LRMDA: variants seen among roughly 807,000 people sequenced by gnomAD.
The protein encoded by LRMDA is leucine-rich melanocyte differentiation-associated protein.
LRMDA carries 18 observed loss-of-function variants against 29.8 expected under a neutral mutation model. The ratio of observed to expected loss-of-function variants is 0.60; its 90% CI spans 0.42 to 0.90. The LOEUF (loss-of-function observed/expected upper bound fraction) is 0.90, where lower values mean the gene tolerates loss of function less well. Ranked by LOEUF, LRMDA falls within the 40% of genes least tolerant of loss-of-function variation. LRMDA has a pLI of 0.00. For missense variants in LRMDA, 273 were observed against 273.9 expected, an observed-to-expected ratio of 1.00 and a Z score of 0.02; for synonymous variants, 125 against 109.4, an observed-to-expected ratio of 1.14 and a Z score of -0.89.
intron 5 of LRMDA, among the ~76,000 whole-genome samples, chr10:76,136,689 A>T (rs181003419): frequency 4.6e-5 from 7 of 152,292 alleles, no homozygotes; most frequent in Non-Finnish European, 1.0e-4. Context: ...TTAGAGATTA[A>T]GATGTTTATT....
intron 2 of LRMDA, among the ~76,000 whole-genome samples, chr10:75,504,491 G>A (rs1364504791): frequency 1.3e-5 from 2 of 152,170 alleles, no homozygotes; most frequent in East Asian, 3.8e-4. Flanking sequence ...GGAAAAATAA[G>A]TCATATCAAA....
intron 5 of LRMDA, among the ~76,000 whole-genome samples, chr10:76,283,362 G>A (rs1196737144): frequency 1.3e-5 from 2 of 152,100 alleles, no homozygotes; most frequent in Admixed American, 1.3e-4. Flanking sequence ...TGTTGTTGGA[G>A]GTCAGAAGGA....
intron 6 of LRMDA, among the ~76,000 whole-genome samples, chr10:76,443,000 G>A (rs551609791): frequency 6.6e-6 from 1 of 152,172 alleles, no homozygotes; most frequent in South Asian, 2.1e-4. Context: ...ACATAATAGT[G>A]GACTAATCTT....
At chr10:76,555,248 C>T (rs375317632) in intron 6 of LRMDA, among the ~76,000 whole-genome samples, 1 of 151,988 alleles carries the variant, frequency 6.6e-6, no homozygotes, top group Non-Finnish European at 1.5e-5. Context: ...TAATTCAGCA[C>T]GATAAAGGAA....
intron 2 of LRMDA, among the ~76,000 whole-genome samples, chr10:75,850,204 T>C (rs1844708790): frequency 1.3e-5 from 2 of 152,262 alleles, no homozygotes; most frequent in South Asian, 4.1e-4. Flanking sequence ...CAGTATAAGC[T>C]GAAAAGCGGT....
intron 6 of LRMDA, among the ~76,000 whole-genome samples, chr10:76,371,347 A>G (rs1014482331): frequency 1.3e-5 from 2 of 152,192 alleles, no homozygotes; most frequent in Non-Finnish European, 2.9e-5. Context: ...CAGATACTTT[A>G]TAGAAAGCCA....
At chr10:75,661,970 G>A (rs930124) in intron 2 of LRMDA, among the ~76,000 whole-genome samples, 15,999 of 152,122 alleles carry the variant, frequency 0.11, 1,921 homozygotes, top group East Asian at 0.33. Flanking sequence ...AAGTAATTTT[G>A]TTTCCCCCTA....
intron 5 of LRMDA, among the ~76,000 whole-genome samples, chr10:76,285,677 G>A (rs919583956): frequency 2.0e-5 from 3 of 152,084 alleles, no homozygotes; most frequent in Non-Finnish European, 4.4e-5. Flanking sequence ...AGATGTTAAA[G>A]TTGCCAATGA....
intron 2 of LRMDA, among the ~76,000 whole-genome samples, chr10:75,649,553 C>A (rs1391718062): frequency 6.6e-6 from 1 of 152,096 alleles, no homozygotes; most frequent in East Asian, 1.9e-4. Context: ...ATCTGTTCAC[C>A]CATCAGTGGA....
chr10:75,955,660 A>G (rs1309738495), intron 2 of LRMDA, among the ~76,000 whole-genome samples: 1 of 152,196 alleles, frequency 6.6e-6, no homozygotes, highest in Non-Finnish European at 1.5e-5. Flanking sequence ...AGTGCCTCAA[A>G]TTTTGTTTCT....
intron 2 of LRMDA, among the ~76,000 whole-genome samples, chr10:75,752,664 G>A (rs1842982732): frequency 1.3e-5 from 2 of 152,206 alleles, no homozygotes; most frequent in Non-Finnish European, 1.5e-5. Flanking sequence ...GAGATGTTAA[G>A]CAACTGAGCT....
At chr10:75,506,446 A>G (rs1476752122) in intron 2 of LRMDA, among the ~76,000 whole-genome samples, 1 of 150,010 alleles carries the variant, frequency 6.7e-6, no homozygotes, top group African/African-American at 2.5e-5. Context: ...TTCTTAAAAA[A>G]TCAATCATTC....
chr10:75,562,312 T>C lies in LRMDA; in HGVS notation c.131+123818T>C, dbSNP rs1174522295. Among the ~76,000 whole-genome samples the C allele has an allele frequency of 8.5e-5, 13 of 152,262 alleles. No homozygotes were observed. The East Asian group carries it at 9.6e-4, about 11-fold the overall frequency. On this transcript the variant is annotated intron_variant, in intron 2 of 6. Transcript: ENST00000611255. ...GGCCTTCTTTGTCTCTTTTGATCTT[T>C]GTTGGTTTAAAATCTGTTTTATCAG...
chr10:76,126,979 T>A (rs12098745), intron 5 of LRMDA, among the ~76,000 whole-genome samples: 24,960 of 152,192 alleles, frequency 0.16, 2,282 homozygotes, highest in Admixed American at 0.24. Context: ...AAATTGAGCC[T>A]GGGGAGCAGA....
intron 6 of LRMDA, among the ~76,000 whole-genome samples, chr10:76,433,424 A>G (rs1842211989): frequency 6.6e-6 from 1 of 152,176 alleles, no homozygotes; most frequent in Admixed American, 6.5e-5. Flanking sequence ...AGGCAAGGAA[A>G]CAGCTAATAA....
At chr10:75,763,189 T>C (rs568823805) in intron 2 of LRMDA, among the ~76,000 whole-genome samples, 1 of 152,352 alleles carries the variant, frequency 6.6e-6, no homozygotes, top group African/African-American at 2.4e-5. Context: ...TAAAATCCAG[T>C]GTCCTTTGTT....
At chr10:76,113,269 C>A (rs554799247) in intron 5 of LRMDA, among the ~76,000 whole-genome samples, 1 of 152,036 alleles carries the variant, frequency 6.6e-6, no homozygotes, top group East Asian at 1.9e-4. Context: ...AGACCTAGCC[C>A]GATGGGTCTT....
intron 2 of LRMDA, among the ~76,000 whole-genome samples, chr10:75,633,182 A>G (rs930084387): frequency 1.5e-4 from 23 of 152,122 alleles, no homozygotes; most frequent in Non-Finnish European, 7.4e-5. Context: ...ATTCTTTTAG[A>G]TCCTGGCCTG....
At chr10:76,485,268 A>C (rs1842770692) in intron 6 of LRMDA, among the ~76,000 whole-genome samples, 1 of 151,576 alleles carries the variant, frequency 6.6e-6, no homozygotes, top group African/African-American at 2.4e-5. Flanking sequence ...ATGATTCTAT[A>C]TCTCTCCTCT....
Sources: gnomAD v4.1 joint callset for allele counts (sites outside exome capture counted in the v4.1 genomes callset) on GRCh38, gnomAD v4.1.1 for gene constraint, MANE v1.5 for transcripts, NCBI Gene and HGNC (gene_info 2026-07-23, HGNC 2026-07-21) for gene names.